Variants in DNAH12 observed in about 807,000 individuals in gnomAD.
The protein encoded by DNAH12 is axonemal beta dynein heavy chain 12.
Under a neutral mutation model 371.5 loss-of-function variants are expected in DNAH12, and 285 were observed. The observed-to-expected ratio is 0.77, with a 90% CI of 0.70 to 0.85. The LOEUF (loss-of-function observed/expected upper bound fraction) is 0.85. Ranked by LOEUF, DNAH12 falls within the 40% of genes least tolerant of loss-of-function variation. The probability of loss-of-function intolerance (pLI) is 0.00; values close to 1 mark genes in which losing one functional copy is unlikely to be tolerated. For synonymous variants in DNAH12, 1,200 were observed against 1,213.0 expected (o/e 0.99, Z 0.22); for missense variants, 3,611 against 3,689.4 (o/e 0.98, Z 0.55).
At chr3:57,438,670 C>T (rs868549140) in intron 29 of DNAH12, among the ~76,000 whole-genome samples, 5 of 151,906 alleles carry the variant, frequency 3.3e-5, no homozygotes, top group Admixed American at 1.3e-4. Flanking sequence ...GAATGCAATC[C>T]GGCCGGGCGC....
At chr3:57,484,778 G>T (rs574014517) in intron 12 of DNAH12, among the ~76,000 whole-genome samples, 2 of 152,092 alleles carry the variant, frequency 1.3e-5, no homozygotes, top group African/African-American at 4.8e-5. Context: ...GAAAATATTT[G>T]CAAACTCTGC....
intron 55 of DNAH12, among the ~76,000 whole-genome samples, chr3:57,372,596 TA>T (rs2063199025): frequency 6.6e-6 from 1 of 152,054 alleles, no homozygotes; most frequent in Non-Finnish European, 1.5e-5. Context: ...TGTTGAAAGA[TA>T]TTTACGCTAT....
intron 60 of DNAH12, among the ~76,000 whole-genome samples, chr3:57,339,185 C>A (rs928482135): frequency 6.6e-6 from 1 of 152,038 alleles, no homozygotes; most frequent in Admixed American, 6.5e-5. Context: ...GCAGCATGCT[C>A]GTTAAGAGTC....
intron 65 of DNAH12, among the ~76,000 whole-genome samples, chr3:57,320,420 C>T (rs917583708): frequency 1.3e-5 from 2 of 152,134 alleles, no homozygotes; most frequent in South Asian, 2.1e-4. Flanking sequence ...AGACTCATAA[C>T]GAATGTCTTA....
intron 59 of DNAH12, among the ~76,000 whole-genome samples, chr3:57,352,629 C>T (rs1258956649): frequency 7.3e-5 from 11 of 151,418 alleles, no homozygotes; most frequent in Admixed American, 7.2e-4. Context: ...TATTCTGCCC[C>T]AAAGTGACTG....
chr3:57,296,846 C>CTCAATTCATATTGAGTTA lies in DNAH12; in HGVS notation c.11532_11532+1insTAACTCAATATGAATTGA (p.Glu3844_Val3845insTer). 6.4e-7 allele frequency: 1 copy of CTCAATTCATATTGAGTTA among 1,551,200 alleles called. No individual in the cohort carries two copies. Among genetic ancestry groups the CTCAATTCATATTGAGTTA allele is most frequent in the South Asian group, 1.2e-5 (1 of 83,978 alleles). The stretch of plus-strand genomic sequence containing the variant: ...CTGTTGACTTTAAGGAGTTACTATA[C>CTCAATTCATATTGAGTTA]CTCAAATTCATATCCTAGCAAATCA... On this transcript the variant is annotated stop_gained and inframe_insertion and splice_region_variant. Transcript: ENST00000495027. LOFTEE classifies it high-confidence loss of function.
intron 2 of DNAH12, among the ~76,000 whole-genome samples, chr3:57,534,194 A>T (rs1310671582): frequency 1.3e-5 from 2 of 152,112 alleles, no homozygotes; most frequent in Non-Finnish European, 2.9e-5. Flanking sequence ...TCCATCCCCA[A>T]GTGCACAGAT....
chr3:57,294,839 G>A (rs4681968), intron 73 of DNAH12, among the ~76,000 whole-genome samples: 5 of 152,040 alleles, frequency 3.3e-5, no homozygotes, highest in Admixed American at 6.6e-5. Flanking sequence ...CTAAGGTCAC[G>A]TTTCTCATAG....
At position 57,457,963 on chromosome 3, in the gene DNAH12, A is replaced by C; in HGVS notation, c.3094T>G (p.Ser1032Ala). The C allele has an allele frequency of 6.4e-7, 1 of 1,551,608 alleles. No individual in the cohort carries two copies. Among genetic ancestry groups the C allele is most frequent in the Non-Finnish European group, 8.7e-7 (1 of 1,146,938 alleles). The part of the protein sequence containing the change: ...LSNDEMLEIL[S>A]ETKDPLRVQP... Reference sequence around the variant, plus strand: ...ACTCTAAGTGGATCTTTGGTCTCTGATAAAATCTCTAACATTTCATCATTA... The same window carrying C: ...ACTCTAAGTGGATCTTTGGTCTCTGCTAAAATCTCTAACATTTCATCATTA... The change falls in exon 22 of 74, where the codon TCA becomes GCA. Residue 1032 changes from serine to alanine, a missense_variant. Physicochemically the swap from Ser to Ala is moderately conservative, Grantham distance 99 (BLOSUM62 1). Around this residue, in one of 3 missense-constraint regions of DNAH12, gnomAD observed 1,314 missense variants for 1,398.7 expected, o/e 0.94. Coordinates refer to ENST00000495027, the MANE Select transcript of DNAH12 (RefSeq NM_001366028.2).
At chr3:57,345,621 T>C (rs781822343) in intron 60 of DNAH12, among the ~76,000 whole-genome samples, 13 of 152,192 alleles carry the variant, frequency 8.5e-5, no homozygotes, top group African/African-American at 2.9e-4. Flanking sequence ...AGGAGGTGGC[T>C]ACAAAATTAT....
chr3:57,487,342 G>GGA (rs373234443), intron 12 of DNAH12, among the ~76,000 whole-genome samples: 1 of 101,724 alleles, frequency 9.8e-6, no homozygotes, highest in Non-Finnish European at 1.9e-5. Context: ...AGGGAGGGAG[G>GGA]GAGAGAGAGA....
At chr3:57,297,063 G>GGTTTT in intron 70 of DNAH12, 79 bp from the exon 71 acceptor site, 1 of 1,495,766 alleles carries the variant, frequency 6.7e-7, no homozygotes, top group African/African-American at 1.4e-5. Flanking sequence ...TCCTGATTCT[G>GGTTTT]GTTTTTGCTT....
chr3:57,368,929 G>A lies in DNAH12; in HGVS notation c.8760-669C>T, dbSNP rs1057120589. Reference sequence around the variant, plus strand: ...CTTTTAAAAATATAGCACAGATGCCGGGCACGGTGGCTCAGGCCTATAATG... The same window carrying A: ...CTTTTAAAAATATAGCACAGATGCCAGGCACGGTGGCTCAGGCCTATAATG... On this transcript the variant is annotated intron_variant, in intron 55 of 73. Transcript: ENST00000495027. Among the ~76,000 whole-genome samples the A allele has an allele frequency of 2.1e-3, 324 of 152,054 alleles. 1 individual carries two copies. Among genetic ancestry groups the A allele is most frequent in the African/African-American group, 7.0e-3 (290 of 41,490 alleles).
the DNAH12 span, among the ~76,000 whole-genome samples, chr3:57,551,254 T>C: frequency 6.6e-6 from 1 of 151,544 alleles, no homozygotes; most frequent in East Asian, 1.9e-4. Context: ...GTACTCTGTA[T>C]ACAAAATTAT....
rs2061224084 is a variant in DNAH12, at chr3:57,295,904, A to G, written c.11625-312T>C. On this transcript the variant is annotated intron_variant, in intron 72 of 73. Coordinates refer to ENST00000495027, the MANE Select transcript of DNAH12 (RefSeq NM_001366028.2). ...CCCATATATTTTAAACAGGAATAGT[A>G]TTGCTTAATTTCCTGAGTGAAGCAG... Among the ~76,000 whole-genome samples, 6 of 152,182 alleles carry G rather than the reference A, an allele frequency of 3.9e-5. No individual in the cohort carries two copies. The South Asian group carries it at 1.2e-3, about 32-fold the overall frequency.
chr3:57,401,580 A>G (rs6790712), intron 43 of DNAH12, among the ~76,000 whole-genome samples: 11,190 of 128,704 alleles, frequency 0.087, 833 homozygotes, highest in East Asian at 0.43. Context: ...AAAAAAAAAA[A>G]AAGAAGAAGA....
chr3:57,375,301 T>C (rs980066670), intron 55 of DNAH12, 70 bp downstream of exon 55: 3 of 152,236 alleles, frequency 2.0e-5, no homozygotes, highest in African/African-American at 7.2e-5. Flanking sequence ...TAAAATTCTT[T>C]CAACGTTTCT....
At chr3:57,294,605 G>A (rs1483168905) in intron 73 of DNAH12, among the ~76,000 whole-genome samples, 1 of 152,162 alleles carries the variant, frequency 6.6e-6, no homozygotes, top group African/African-American at 2.4e-5. Flanking sequence ...AGGGAGGGAA[G>A]AAGGAATAAA....
chr3:57,308,423 C>T (rs548792056), intron 69 of DNAH12, among the ~76,000 whole-genome samples: 6 of 152,256 alleles, frequency 3.9e-5, no homozygotes, highest in Admixed American at 3.3e-4. Flanking sequence ...TACCACTTGC[C>T]CTTCTCAGAA....
Sources: allele counts gnomAD v4.1 joint callset (sites outside exome capture counted in the v4.1 genomes callset), GRCh38; gene constraint gnomAD v4.1.1; regional missense constraint gnomAD v4.1.1; transcripts MANE v1.5; gene names NCBI Gene and HGNC (gene_info 2026-07-23, HGNC 2026-07-21).